Variants in USP32 observed in about 807,000 individuals in gnomAD.
USP32 encodes ubiquitin carboxyl-terminal hydrolase 32.
A neutral mutation model predicts 204.8 loss-of-function variants in USP32; 59 were observed. That is an observed-to-expected ratio of 0.29 (90% CI 0.23 to 0.36). USP32 has a LOEUF of 0.36. Among genes scored for constraint, USP32 ranks in the 10% least tolerant of loss-of-function variants. The pLI is 1.00. For synonymous variants in USP32, 517 were observed against 678.4 expected (o/e 0.76, Z 3.70); for missense variants, 1,160 against 1,946.4 (o/e 0.60, Z 7.60).
chr17:60,336,196 A>G (rs923451421), intron 2 of USP32, among the ~76,000 whole-genome samples: 2 of 143,202 alleles, frequency 1.4e-5, no homozygotes, highest in East Asian at 3.9e-4. Flanking sequence ...CACTAGTCCC[A>G]TTACGCTTAA....
chr17:60,271,823 T>C (rs2086730847), intron 5 of USP32, among the ~76,000 whole-genome samples: 1 of 151,940 alleles, frequency 6.6e-6, no homozygotes, highest in African/African-American at 2.4e-5. Context: ...TTTTTTTTTT[T>C]TTAAGAGACA....
At position 60,177,860 on chromosome 17, in the gene USP32, TGGAA is replaced by T. The variant is rs1437518617; in HGVS notation, c.*1391_*1394del. Among the ~76,000 whole-genome samples the T allele has an allele frequency of 6.6e-6, 1 of 152,168 alleles. No individual in the cohort carries two copies. Among genetic ancestry groups the T allele is most frequent in the African/African-American group, 2.4e-5 (1 of 41,458 alleles). On this transcript the variant is annotated 3_prime_UTR_variant, in exon 34 of 34. Coordinates refer to ENST00000300896, the MANE Select transcript of USP32 (RefSeq NM_032582.4). ...ACTATCTATGAGGAAGAAAGGGTAG[TGGAA>T]TCTGACAATTAATGAGAATCAACTT...
At chr17:60,203,541 A>T (rs2084743047) in intron 26 of USP32, among the ~76,000 whole-genome samples, 1 of 151,898 alleles carries the variant, frequency 6.6e-6, no homozygotes, top group Non-Finnish European at 1.5e-5. Context: ...TATACAATCA[A>T]TTTACTTGAT....
intron 33 of USP32, 77 bp from the exon 34 acceptor site, chr17:60,179,505 C>G: frequency 1.9e-6 from 3 of 1,558,406 alleles, no homozygotes; most frequent in Non-Finnish European, 2.6e-6. Context: ...AAGGGAAGAC[C>G]AACCCTCTGT....
chr17:60,228,841 T>TG (rs1282513453), intron 12 of USP32, among the ~76,000 whole-genome samples: 2 of 151,474 alleles, frequency 1.3e-5, no homozygotes, highest in Non-Finnish European at 2.9e-5. Context: ...TTTTTGTTTT[T>TG]TTTTTTGGTA....
chr17:60,356,386 C>T (rs952908093), intron 1 of USP32, among the ~76,000 whole-genome samples: 4 of 152,106 alleles, frequency 2.6e-5, no homozygotes, highest in African/African-American at 9.7e-5. Context: ...CCCCAAAATT[C>T]CCATATCTCT....
chr17:60,321,968 T>C (rs1017721368), intron 2 of USP32, among the ~76,000 whole-genome samples: 17 of 151,952 alleles, frequency 1.1e-4, no homozygotes, highest in African/African-American at 4.1e-4. Context: ...AAAGTGCCCA[T>C]AGCTGGCATT....
At chr17:60,310,184 C>T (rs945615620) in intron 2 of USP32, among the ~76,000 whole-genome samples, 1 of 152,208 alleles carries the variant, frequency 6.6e-6, no homozygotes, top group Non-Finnish European at 1.5e-5. Context: ...ACAGCTATGG[C>T]TGTTCCTCAA....
At chr17:60,288,931 AAAGCAGTACACTGCCAAT>A (rs2087193259) in intron 4 of USP32, among the ~76,000 whole-genome samples, 1 of 152,244 alleles carries the variant, frequency 6.6e-6, no homozygotes, top group African/African-American at 2.4e-5. Flanking sequence ...TCAATTCAGT[AAAGCAGTACACTGCCAAT>A]AAGCCAGATT....
intron 1 of USP32, among the ~76,000 whole-genome samples, chr17:60,416,880 T>C (rs1240434212): frequency 6.6e-6 from 1 of 151,970 alleles, no homozygotes; most frequent in Non-Finnish European, 1.5e-5. Context: ...CACACACACA[T>C]ATATTCATGT....
intron 1 of USP32, among the ~76,000 whole-genome samples, chr17:60,351,708 G>A (rs9914839): frequency 0.16 from 24,906 of 152,138 alleles, 4,620 homozygotes; most frequent in African/African-American, 0.46. Flanking sequence ...GATTACAGGC[G>A]TGAGCCACCA....
intron 2 of USP32, among the ~76,000 whole-genome samples, chr17:60,331,208 C>T (rs1222771580): frequency 6.6e-6 from 1 of 152,104 alleles, no homozygotes; most frequent in Non-Finnish European, 1.5e-5. Flanking sequence ...CCTGAAAAAC[C>T]CAAAAAGTAT....
At chr17:60,385,138 T>A (rs2089707659) in intron 1 of USP32, among the ~76,000 whole-genome samples, 1 of 152,208 alleles carries the variant, frequency 6.6e-6, no homozygotes, top group Non-Finnish European at 1.5e-5. Flanking sequence ...CCACCTTAAC[T>A]GAGCGATTAA....
At chr17:60,204,714 C>T (rs887021362) in intron 26 of USP32, among the ~76,000 whole-genome samples, 29 of 152,228 alleles carry the variant, frequency 1.9e-4, no homozygotes, top group African/African-American at 6.7e-4. Context: ...GGTGATCCCC[C>T]TGCTTCAGCC....
At chr17:60,191,464 A>AG (rs990509319) in intron 28 of USP32, among the ~76,000 whole-genome samples, 3 of 138,396 alleles carry the variant, frequency 2.2e-5, no homozygotes, top group Non-Finnish European at 4.7e-5. Flanking sequence ...GAGATGGGGT[A>AG]GGGGGGAGGA....
chr17:60,266,128 T>C lies in USP32; in HGVS notation c.812-37A>G, dbSNP rs749228877. ...AAACTCTTATGGAGGAAAATCATTTTTGTATTCTGAGGTATAATATATTTT... is the reference window on the plus strand; with the variant it reads ...AAACTCTTATGGAGGAAAATCATTTCTGTATTCTGAGGTATAATATATTTT... On this transcript the variant is annotated intron_variant, in intron 7 of 33. Coordinates refer to ENST00000300896, the MANE Select transcript of USP32 (RefSeq NM_032582.4). 15 of 1,518,978 alleles carry C rather than the reference T, an allele frequency of 9.9e-6. No individual in the cohort carries two copies. The African/African-American group carries it at 1.8e-4, about 18-fold the overall frequency. 94.1% of individuals were successfully genotyped at this position (1,518,978 alleles called of 1,614,324 possible).
At chr17:60,284,218 T>TC (rs1567826540) in intron 5 of USP32, among the ~76,000 whole-genome samples, 6 of 149,476 alleles carry the variant, frequency 4.0e-5, no homozygotes, top group Non-Finnish European at 4.5e-5. Flanking sequence ...TCTTTTCTTT[T>TC]TTTTTTTTTT....
At chr17:60,409,033 C>G (rs895311015) in intron 1 of USP32, among the ~76,000 whole-genome samples, 2 of 152,200 alleles carry the variant, frequency 1.3e-5, no homozygotes, top group Non-Finnish European at 2.9e-5. Context: ...CCTCCTATTT[C>G]CTTGCCAGCT....
At chr17:60,289,910 T>C (rs964433774) in intron 4 of USP32, among the ~76,000 whole-genome samples, 1 of 152,076 alleles carries the variant, frequency 6.6e-6, no homozygotes, top group East Asian at 1.9e-4. Flanking sequence ...CATTGTTTAG[T>C]AGCATCCCAT....
Sources: allele counts gnomAD v4.1 joint callset (sites outside exome capture counted in the v4.1 genomes callset), GRCh38; gene constraint gnomAD v4.1.1; transcripts MANE v1.5; gene names NCBI Gene and HGNC (gene_info 2026-07-23, HGNC 2026-07-21).